The following SPMIP6 variants were observed in gnomAD, a reference collection of about 807,000 sequenced individuals.
The protein encoded by SPMIP6 is sperm microtubule inner protein 6.
chr9:34,387,495 A>C, the SPMIP6 span, among the ~76,000 whole-genome samples: 1 of 151,880 alleles, frequency 6.6e-6, no homozygotes, highest in African/African-American at 2.4e-5. Flanking sequence ...GTGACTCAGC[A>C]TTTCTCCGAG....
At chr9:34,383,010 C>T in the SPMIP6 span, 3 of 663,714 alleles carry the variant, frequency 4.5e-6, no homozygotes, top group South Asian at 5.1e-5. Context: ...ACCCCAAGCC[C>T]AGCCGGGCCT....
At chr9:34,379,874 A>G in the SPMIP6 span, 2 of 632,922 alleles carry the variant, frequency 3.2e-6, no homozygotes, top group Admixed American at 2.7e-5. This position sits in a 1 kb window ranked among gnomAD's most constrained non-coding sequence, Gnocchi z 4.2. Context: ...TCACCCTTCA[A>G]AACCCCCACT....
the SPMIP6 span, chr9:34,379,223 T>C: frequency 8.6e-7 from 1 of 1,156,628 alleles, no homozygotes; most frequent in African/African-American, 1.5e-5. This position sits in a 1 kb window ranked among gnomAD's most constrained non-coding sequence, Gnocchi z 4.2. Flanking sequence ...TCCTCATATG[T>C]CAAAGTGAAT....
At chr9:34,395,596 T>G in the SPMIP6 span, among the ~76,000 whole-genome samples, 3 of 152,226 alleles carry the variant, frequency 2.0e-5, no homozygotes, top group Non-Finnish European at 2.9e-5. Context: ...ACCATTTATA[T>G]GATGATGACT....
the SPMIP6 span, chr9:34,380,945 C>T: frequency 1.1e-5 from 17 of 1,603,054 alleles, no homozygotes; most frequent in East Asian, 3.6e-4. Context: ...GCGGTCGGTG[C>T]AGGGCGCCCC....
At chr9:34,381,128 C>A in the SPMIP6 span, 2 of 1,584,274 alleles carry the variant, frequency 1.3e-6, no homozygotes, top group Non-Finnish European at 1.7e-6. This position sits in a 1 kb window ranked among gnomAD's most constrained non-coding sequence, Gnocchi z 4.4. Flanking sequence ...CATCACTTCG[C>A]GCTCTGCTCC....
At chr9:34,392,442 CGTGTGTGTGTGTGT>C in the SPMIP6 span, among the ~76,000 whole-genome samples, 41 of 148,228 alleles carry the variant, frequency 2.8e-4, no homozygotes, top group African/African-American at 6.5e-4. This position sits in a 1 kb window ranked among gnomAD's most constrained non-coding sequence, Gnocchi z 4.6. Flanking sequence ...ATCTAAAAAC[CGTGTGTGTGTGTGT>C]GTGTGTGTGT....
the SPMIP6 span, among the ~76,000 whole-genome samples, chr9:34,382,347 G>A: frequency 2.0e-5 from 3 of 152,310 alleles, no homozygotes; most frequent in African/African-American, 7.2e-5. Context: ...ATTTTAGGAG[G>A]CCGAGGCAGG....
At chr9:34,380,635 G>C in the SPMIP6 span, 1 of 1,519,218 alleles carries the variant, frequency 6.6e-7, no homozygotes. Flanking sequence ...ATATAGAGAG[G>C]CCAGGTTGAC....
the SPMIP6 span, chr9:34,397,618 G>T: frequency 6.2e-7 from 1 of 1,606,704 alleles, no homozygotes; most frequent in Non-Finnish European, 8.5e-7. Flanking sequence ...CTGGTCTTAC[G>T]GGAGAACAGG....
At chr9:34,381,025 G>A in the SPMIP6 span, 1 of 1,611,688 alleles carries the variant, frequency 6.2e-7, no homozygotes, top group African/African-American at 1.3e-5. The surrounding 1 kb of genome is among the most constrained non-coding windows in gnomAD (Gnocchi z 4.4). Context: ...AACCATGGAA[G>A]GGCAGGCGGC....
chr9:34,381,551 G>C, the SPMIP6 span: 1 of 1,548,284 alleles, frequency 6.5e-7, no homozygotes, highest in Non-Finnish European at 8.7e-7. The surrounding 1 kb of genome is among the most constrained non-coding windows in gnomAD (Gnocchi z 4.4). Context: ...AACTTCTCCC[G>C]CCCTTCAGCA....
the SPMIP6 span, among the ~76,000 whole-genome samples, chr9:34,392,883 T>C: frequency 1.3e-5 from 2 of 152,208 alleles, no homozygotes; most frequent in Non-Finnish European, 2.9e-5. This position sits in a 1 kb window ranked among gnomAD's most constrained non-coding sequence, Gnocchi z 4.6. Flanking sequence ...CCAGAGAGGT[T>C]GAAGGAGATC....
chr9:34,396,613 C>T, the SPMIP6 span, among the ~76,000 whole-genome samples: 1 of 152,294 alleles, frequency 6.6e-6, no homozygotes, highest in East Asian at 1.9e-4. Flanking sequence ...ACTAAACTCT[C>T]CTGCTCTAAC....
chr9:34,386,624 A>G, the SPMIP6 span, among the ~76,000 whole-genome samples: 4 of 151,076 alleles, frequency 2.6e-5, no homozygotes, highest in Non-Finnish European at 5.9e-5. Flanking sequence ...CCTGACTGCA[A>G]CCTGGCCCTG....
At chr9:34,384,113 G>T in the SPMIP6 span, among the ~76,000 whole-genome samples, 7 of 152,330 alleles carry the variant, frequency 4.6e-5, no homozygotes, top group South Asian at 1.5e-3. Flanking sequence ...GAGGGGAGGG[G>T]TGCAGTGCTG....
the SPMIP6 span, among the ~76,000 whole-genome samples, chr9:34,392,441 C>A: frequency 3.8e-5 from 3 of 79,242 alleles, no homozygotes; most frequent in Non-Finnish European, 8.2e-5. The surrounding 1 kb of genome is among the most constrained non-coding windows in gnomAD (Gnocchi z 4.6). Flanking sequence ...CATCTAAAAA[C>A]CGTGTGTGTG....
the SPMIP6 span, among the ~76,000 whole-genome samples, chr9:34,394,307 C>T: frequency 2.0e-5 from 3 of 152,130 alleles, no homozygotes; most frequent in African/African-American, 7.2e-5. Flanking sequence ...AGGCATCCAC[C>T]ACCATGCCCG....
chr9:34,389,076 T>C, the SPMIP6 span, among the ~76,000 whole-genome samples: 1 of 151,846 alleles, frequency 6.6e-6, no homozygotes, highest in Non-Finnish European at 1.5e-5. Flanking sequence ...GGACTACAGG[T>C]GCACACCACC....
Sources: allele counts gnomAD v4.1 joint callset (sites outside exome capture counted in the v4.1 genomes callset), GRCh38; gene constraint gnomAD v4.1.1; non-coding constraint Gnocchi (gnomAD v3.1); transcripts MANE v1.5; gene names NCBI Gene and HGNC (gene_info 2026-07-23, HGNC 2026-07-21).